CYRIB: variants seen among roughly 807,000 people sequenced by gnomAD.
CYRIB encodes CYFIP-related Rac1 interactor B.
A neutral mutation model predicts 44.2 loss-of-function variants in CYRIB; 8 were observed. That is an observed-to-expected ratio of 0.18 (90% CI 0.11 to 0.33). CYRIB has a LOEUF of 0.33. Among genes scored for constraint, CYRIB ranks in the 10% least tolerant of loss-of-function variants. The pLI is 1.00. For synonymous variants in CYRIB, 131 were observed against 127.2 expected (o/e 1.03, Z -0.20); for missense variants, 185 against 382.8 (o/e 0.48, Z 4.31).
chr8:129,972,029 C>A (rs1255757368), intron 1 of CYRIB, among the ~76,000 whole-genome samples: 1 of 152,130 alleles, frequency 6.6e-6, no homozygotes, highest in Non-Finnish European at 1.5e-5. Context: ...CTTTAGCTGC[C>A]TTAGTGTTTT....
intron 3 of CYRIB, among the ~76,000 whole-genome samples, chr8:129,873,577 G>A (rs771056657): frequency 2.0e-5 from 3 of 151,938 alleles, no homozygotes; most frequent in African/African-American, 7.2e-5. Context: ...TAGTAGACAC[G>A]TATTTAGTTT....
At chr8:129,888,111 G>C (rs2063522252) in intron 2 of CYRIB, among the ~76,000 whole-genome samples, 1 of 152,230 alleles carries the variant, frequency 6.6e-6, no homozygotes, top group Admixed American at 6.5e-5. Context: ...GAGTGTTGGA[G>C]AAGGAGCCTG....
intron 2 of CYRIB, among the ~76,000 whole-genome samples, chr8:129,951,603 G>T (rs1200176608): frequency 6.6e-6 from 1 of 151,744 alleles, no homozygotes; most frequent in Admixed American, 6.6e-5. Flanking sequence ...CTACTTAGGA[G>T]GCTGAGGCAG....
intron 1 of CYRIB, among the ~76,000 whole-genome samples, chr8:130,012,926 G>C (rs998773863): frequency 1.2e-4 from 19 of 152,176 alleles, no homozygotes; most frequent in African/African-American, 4.3e-4. Flanking sequence ...AGAGCCCAGA[G>C]AAGGATGAAA....
At chr8:130,015,708 C>T (rs943790215) in intron 1 of CYRIB, among the ~76,000 whole-genome samples, 9 of 152,318 alleles carry the variant, frequency 5.9e-5, no homozygotes, top group South Asian at 4.1e-4. Flanking sequence ...TGTGTGTACA[C>T]AGCCCCAGGA....
At chr8:129,942,017 C>T (rs2093747857), upstream of CYRIB, among the ~76,000 whole-genome samples, 1 of 152,136 alleles carries the variant, frequency 6.6e-6, no homozygotes, top group Non-Finnish European at 1.5e-5. Flanking sequence ...TACAGTCCAG[C>T]AAAGAAGCAG....
intron 1 of CYRIB, among the ~76,000 whole-genome samples, chr8:129,990,541 C>T: frequency 6.6e-6 from 1 of 150,870 alleles, no homozygotes; most frequent in African/African-American, 2.4e-5. Flanking sequence ...TTTTTTCTTC[C>T]CCAAGACAGG....
chr8:129,922,660 G>A (rs1197971522), intron 1 of CYRIB, among the ~76,000 whole-genome samples: 2 of 149,010 alleles, frequency 1.3e-5, no homozygotes, highest in Admixed American at 6.7e-5. Context: ...TCAGGAGATC[G>A]AGACCAGCCT....
In CYRIB at chr8:130,008,018, G is replaced by T. The variant is rs1408789508; in HGVS notation, c.-296+8352C>A. Among the ~76,000 whole-genome samples, 3 of 152,102 alleles carry T rather than the reference G, an allele frequency of 2.0e-5. No homozygotes were observed. The East Asian group carries it at 5.8e-4, about 29-fold the overall frequency. ...GAGGTCAGGTGTTCAAGACTGGCCT[G>T]TCCAACATGGTGAAACTCCATCTCT... On this transcript the variant is annotated intron_variant, in intron 1 of 14. Transcript: ENST00000401979.
intron 1 of CYRIB, among the ~76,000 whole-genome samples, chr8:129,908,594 T>G (rs891809099): frequency 6.6e-6 from 1 of 152,118 alleles, no homozygotes; most frequent in African/African-American, 2.4e-5. Flanking sequence ...CTGAACATGG[T>G]CATTACCTTT....
rs747799984 is a variant in CYRIB, at chr8:129,866,845, C to T, written c.196-4511G>A. 3.3e-5 allele frequency among the ~76,000 whole-genome samples: 5 copies of T among 152,198 alleles called. No homozygotes were observed. In the South Asian group the frequency reaches 8.3e-4, roughly 25 times the overall value. On this transcript the variant is annotated intron_variant, in intron 4 of 11. Coordinates refer to ENST00000519824, the Ensembl canonical transcript of CYRIB. ...TTATAATAAACATTTTATGGTTCTTCCTTATACTTCTAATTCCTTGTCCTC... is the reference window on the plus strand; with the variant it reads ...TTATAATAAACATTTTATGGTTCTTTCTTATACTTCTAATTCCTTGTCCTC...
chr8:129,864,265 A>G (rs2052014078), intron 4 of CYRIB, among the ~76,000 whole-genome samples: 1 of 152,268 alleles, frequency 6.6e-6, no homozygotes, highest in Non-Finnish European at 1.5e-5. Context: ...TGACATTACA[A>G]CATGTAACAA....
intron 2 of CYRIB, among the ~76,000 whole-genome samples, chr8:129,883,377 C>T (rs964051665): frequency 6.6e-6 from 1 of 152,048 alleles, no homozygotes; most frequent in Non-Finnish European, 1.5e-5. Flanking sequence ...CTGAGAATCA[C>T]TACAACTGTT....
chr8:129,905,279 G>A (rs1343714212), intron 1 of CYRIB, among the ~76,000 whole-genome samples: 6 of 152,090 alleles, frequency 3.9e-5, no homozygotes, highest in South Asian at 2.1e-4. Flanking sequence ...GTGCAGTGGC[G>A]CTACCTCAGC....
chr8:129,958,589 C>G (rs959122633), intron 2 of CYRIB, among the ~76,000 whole-genome samples: 1 of 152,040 alleles, frequency 6.6e-6, no homozygotes, highest in African/African-American at 2.4e-5. Flanking sequence ...ATGGCAGCCT[C>G]GGGCAGAAAA....
chr8:129,843,179 A>G (rs2037518522), intron 11 of CYRIB, among the ~76,000 whole-genome samples: 1 of 152,234 alleles, frequency 6.6e-6, no homozygotes, highest in South Asian at 2.1e-4. Flanking sequence ...AAAGGAGAGA[A>G]GTATAACAAG....
intron 1 of CYRIB, among the ~76,000 whole-genome samples, chr8:130,011,394 G>A (rs1335109937): frequency 3.9e-5 from 6 of 152,228 alleles, no homozygotes; most frequent in Non-Finnish European, 7.4e-5. Context: ...GGTGGTACGC[G>A]CCTGTAATCC....
In CYRIB at chr8:130,008,252, C is replaced by T. The variant is rs546501847; in HGVS notation, c.-296+8118G>A. The T allele has an allele frequency of 1.1e-3, 162 of 153,224 alleles. 1 individual carries two copies. Among genetic ancestry groups the T allele is most frequent in the African/African-American group, 3.4e-3 (143 of 41,560 alleles). The allele number at this position is 153,224 out of a possible 1,614,324, so 9.5% of individuals were successfully genotyped here. A position where few individuals can be genotyped will look rare whatever the true frequency, so the allele number is the denominator to read the frequency against. ...GAGGGGCTTTCTGCCAGGTCCATAG[C>T]TGCCTGCACACATAGTCCAGAAATG... On this transcript the variant is annotated intron_variant, in intron 1 of 14. Transcript: ENST00000401979.
chr8:129,865,227 G>C (rs1390653557), intron 4 of CYRIB, among the ~76,000 whole-genome samples: 1 of 152,162 alleles, frequency 6.6e-6, no homozygotes, highest in Admixed American at 6.5e-5. Context: ...ATAAACTTTG[G>C]AGTTACATGT....
Sources: allele counts gnomAD v4.1 joint callset (sites outside exome capture counted in the v4.1 genomes callset), GRCh38; gene constraint gnomAD v4.1.1; transcripts MANE v1.5; gene names NCBI Gene and HGNC (gene_info 2026-07-23, HGNC 2026-07-21).